LIAS: variants seen among roughly 807,000 people sequenced by gnomAD.
LIAS encodes the protein lipoyl synthase, mitochondrial.
In LIAS, 36 loss-of-function variants were observed where a neutral mutation model predicts 49.4. The observed-to-expected ratio is 0.73, with a 90% CI of 0.56 to 0.96. The LOEUF (loss-of-function observed/expected upper bound fraction) is 0.96. Among genes scored for constraint, LIAS ranks in the 40% least tolerant of loss-of-function variants. The probability of loss-of-function intolerance (pLI) is 0.00; values close to 1 mark genes in which losing one functional copy is unlikely to be tolerated. For missense variants in LIAS, 399 were observed against 456.3 expected, an observed-to-expected ratio of 0.87 and a Z score of 1.14; for synonymous variants, 145 against 155.8, an observed-to-expected ratio of 0.93 and a Z score of 0.52.
In LIAS at chr4:39,477,626, A is replaced by G. The variant is rs1420103318; in HGVS notation, c.*511A>G. On this transcript the variant is annotated 3_prime_UTR_variant, in exon 11 of 11. Transcript: ENST00000640888. ...TGTATCTTCTTTGTCCCAATTAAACAGTTGCTTGCTGTGATGTAATCTTAA... is the reference window on the plus strand; with the variant it reads ...TGTATCTTCTTTGTCCCAATTAAACGGTTGCTTGCTGTGATGTAATCTTAA... 1 of 152,402 alleles carries G rather than the reference A, an allele frequency of 6.6e-6. No homozygotes were observed. The highest frequency in any genetic ancestry group is 2.4e-5 in the African/African-American group (1 of 41,452). 9.4% of individuals were successfully genotyped at this position (152,402 alleles called of 1,614,324 possible). A position where few individuals can be genotyped will look rare whatever the true frequency, so the allele number is the denominator to read the frequency against.
chr4:39,459,107 C>T lies in LIAS; in HGVS notation c.-11C>T, dbSNP rs1744287441. ...CCTCAACCCCTGCACTGCGCTAGTC[C>T]TAAAGAGGAAATGTCTCTACGCTGC... On this transcript the variant is annotated 5_prime_UTR_variant, in exon 1 of 11. Coordinates refer to ENST00000640888, the MANE Select transcript of LIAS (RefSeq NM_006859.4). The T allele has an allele frequency of 6.2e-7, 1 of 1,614,130 alleles. No individual in the cohort carries two copies. Among genetic ancestry groups the T allele is most frequent in the Non-Finnish European group, 8.5e-7 (1 of 1,180,016 alleles).
At chr4:39,459,211 C>A in intron 1 of LIAS, 49 bp downstream of exon 1, 1 of 1,546,814 alleles carries the variant, frequency 6.5e-7, no homozygotes. Context: ...GGGATCCTAT[C>A]CCTTCAGAGC....
rs144199760 is a variant in LIAS, at chr4:39,463,456, C to T, written c.313-69C>T. The T allele has an allele frequency of 7.1e-3, 10,107 of 1,429,424 alleles. 86 individuals are homozygous for T. Among genetic ancestry groups the T allele is most frequent in the Middle Eastern group, 0.034 (183 of 5,366 alleles). 88.5% of individuals were successfully genotyped at this position (1,429,424 alleles called of 1,614,324 possible). A position where few individuals can be genotyped will look rare whatever the true frequency, so the allele number is the denominator to read the frequency against. ...CAATGAGAAGTTTAAAATGTCTAATCACAGTCACCAACTGTTTAGTTGGTG... is the reference window on the plus strand; with the variant it reads ...CAATGAGAAGTTTAAAATGTCTAATTACAGTCACCAACTGTTTAGTTGGTG... On this transcript the variant is annotated intron_variant, in intron 3 of 10. Coordinates refer to ENST00000640888, the MANE Select transcript of LIAS (RefSeq NM_006859.4).
In LIAS at chr4:39,459,074, T is replaced by C; in HGVS notation, c.-44T>C. The C allele has an allele frequency of 6.2e-7, 1 of 1,610,974 alleles. No individual in the cohort carries two copies. ...TTTCGACCTGTCCTTTCCCGGGAGT[T>C]AGCGATCCCTCAACCCCTGCACTGC... On this transcript the variant is annotated 5_prime_UTR_variant, in exon 1 of 11. Transcript: ENST00000640888.
chr4:39,463,823 ATAGT>A, intron 4 of LIAS: 2 of 956,894 alleles, frequency 2.1e-6, no homozygotes, highest in South Asian at 6.7e-5. Flanking sequence ...CATTTATGTG[ATAGT>A]TAATCACGTG....
chr4:39,467,781 A>G (rs2109879235), intron 7 of LIAS, 135 bp downstream of exon 7: 1 of 800,306 alleles, frequency 1.2e-6, no homozygotes, highest in East Asian at 3.0e-5. Flanking sequence ...TTTTAGGCAA[A>G]CTCAATCTAT....
At chr4:39,465,424 G>T in intron 6 of LIAS, 82 bp downstream of exon 6, 1 of 1,165,838 alleles carries the variant, frequency 8.6e-7, no homozygotes. Context: ...CTTGAAACAG[G>T]GATTATTCAC....
intron 2 of LIAS, among the ~76,000 whole-genome samples, chr4:39,461,259 T>C (rs1027817226): frequency 2.0e-5 from 3 of 152,220 alleles, no homozygotes; most frequent in Non-Finnish European, 4.4e-5. Flanking sequence ...AGATCTGGGT[T>C]AGTAGCTGTT....
chr4:39,470,016 C>G lies in LIAS; in HGVS notation c.738-3C>G, dbSNP rs1185570637. The G allele has an allele frequency of 1.2e-6, 2 of 1,604,468 alleles. No homozygotes were observed. Among genetic ancestry groups the G allele is most frequent in the Non-Finnish European group, 1.7e-6 (2 of 1,173,420 alleles). On this transcript the variant is annotated splice_region_variant and splice_polypyrimidine_tract_variant and intron_variant, in intron 7 of 10. Transcript: ENST00000640888. ...TGCTGACAACAGTCCTGCTGTTTTC[C>G]AGTAAGGTTCGTGATCCTCGGGCCA...
chr4:39,462,564 G>C (rs902031929), intron 3 of LIAS, among the ~76,000 whole-genome samples: 1 of 152,058 alleles, frequency 6.6e-6, no homozygotes, highest in East Asian at 1.9e-4. Context: ...TAAATATGAA[G>C]GTATGTCACA....
intron 2 of LIAS, 120 bp downstream of exon 2, chr4:39,461,082 A>C (rs904974801): frequency 1.2e-6 from 1 of 814,782 alleles, no homozygotes; most frequent in Admixed American, 3.2e-5. Context: ...GCTAAAAATC[A>C]TTAGAAAGAT....
Position 39,477,085 on chromosome 4 carries a change from A to G in LIAS, c.1089A>G (p.Leu363=), listed in dbSNP as rs1353485375. The part of the protein sequence containing the change: ...YKAGEFFLKN[L]VAKRKTKDL ...TAGGTGAATTTTTCCTGAAAAATCT[A>G]GTGGCTAAAAGAAAAACAAAAGACC... is the stretch of plus-strand genomic sequence containing the variant. The change falls in exon 11 of 11, where the codon CTA becomes CTG. Residue 363 remains leucine (L), a synonymous_variant. Coordinates refer to ENST00000640888, the MANE Select transcript of LIAS (RefSeq NM_006859.4). 3 of 1,597,320 alleles carry G rather than the reference A, an allele frequency of 1.9e-6. No homozygotes were observed. In the East Asian group the frequency reaches 6.7e-5, roughly 36 times the overall value.
chr4:39,462,154 C>CA, intron 2 of LIAS, 42 bp from the exon 3 acceptor site: 1 of 839,856 alleles, frequency 1.2e-6, no homozygotes, highest in Non-Finnish European at 1.8e-6. Context: ...AATTATTTGG[C>CA]AGCATATTTG....
At chr4:39,464,649 C>T (rs1462397920) in intron 4 of LIAS, among the ~76,000 whole-genome samples, 3 of 152,064 alleles carry the variant, frequency 2.0e-5, no homozygotes, top group Non-Finnish European at 2.9e-5. Flanking sequence ...AGGTACATGC[C>T]ACTACACTAG....
At chr4:39,467,909 C>A in intron 7 of LIAS, 1 of 167,676 alleles carries the variant, frequency 6.0e-6, no homozygotes, top group East Asian at 1.5e-4. Context: ...ATTATAAACA[C>A]TATATTTATA....
intron 3 of LIAS, 99 bp from the exon 4 acceptor site, chr4:39,463,426 G>T (rs999449351): frequency 7.2e-7 from 1 of 1,390,244 alleles, no homozygotes. Flanking sequence ...AAAATATGTT[G>T]TAAACAATGA....
At chr4:39,471,453 C>A (rs1744983175) in intron 9 of LIAS, 147 bp downstream of exon 9, 1 of 528,786 alleles carries the variant, frequency 1.9e-6, no homozygotes, top group Non-Finnish European at 3.3e-6. Context: ...CCTGCCTCAC[C>A]CTCCTGAGCA....
chr4:39,472,571 T>TTG (rs1745034504), intron 9 of LIAS, among the ~76,000 whole-genome samples: 1 of 152,244 alleles, frequency 6.6e-6, no homozygotes, highest in African/African-American at 2.4e-5. Flanking sequence ...CACTTGGTTA[T>TTG]TGTGTAACTT....
chr4:39,463,039 C>T (rs1379474415), intron 3 of LIAS, among the ~76,000 whole-genome samples: 1 of 151,946 alleles, frequency 6.6e-6, no homozygotes, highest in Non-Finnish European at 1.5e-5. Context: ...AGGGAGTACA[C>T]CTCTATAGGA....
Sources: allele counts gnomAD v4.1 joint callset (sites outside exome capture counted in the v4.1 genomes callset), GRCh38; gene constraint gnomAD v4.1.1; transcripts MANE v1.5; gene names NCBI Gene and HGNC (gene_info 2026-07-23, HGNC 2026-07-21).